Variants in CALR3 observed in about 807,000 individuals in gnomAD.
The protein encoded by CALR3 is calreticulin-3.
Under a neutral mutation model 48.7 loss-of-function variants are expected in CALR3, and 39 were observed. That is an observed-to-expected ratio of 0.80 (90% CI 0.62 to 1.05). The LOEUF (loss-of-function observed/expected upper bound fraction) is 1.05, where lower values mean the gene tolerates loss of function less well. Among genes scored for constraint, CALR3 ranks in the 50% least tolerant of loss-of-function variants. CALR3 has a pLI of 0.00. For missense variants in CALR3, 449 were observed against 474.7 expected (o/e 0.95, Z 0.50); for synonymous variants, 185 against 172.7 (o/e 1.07, Z -0.56).
At chr19:16,487,205 G>A (rs907933487) in intron 3 of CALR3, among the ~76,000 whole-genome samples, 5 of 151,858 alleles carry the variant, frequency 3.3e-5, no homozygotes, top group East Asian at 1.9e-4. Flanking sequence ...GGGGCCAGGC[G>A]TGGTGGCTCA....
intron 2 of CALR3, among the ~76,000 whole-genome samples, chr19:16,491,713 G>A (rs999378037): frequency 6.6e-6 from 1 of 151,220 alleles, no homozygotes; most frequent in African/African-American, 2.4e-5. Context: ...GGAGGCGGAG[G>A]TTGCAGTGAG....
intron 1 of CALR3, 40 bp from the exon 2 acceptor site, chr19:16,495,892 T>G: frequency 6.3e-7 from 1 of 1,596,042 alleles, no homozygotes; most frequent in Non-Finnish European, 8.6e-7. Flanking sequence ...GAGGTGATAA[T>G]GGTTAATTTG....
chr19:16,481,116 T>C (rs949971026), intron 7 of CALR3, among the ~76,000 whole-genome samples: 6 of 151,088 alleles, frequency 4.0e-5, no homozygotes, highest in Non-Finnish European at 7.4e-5. Flanking sequence ...ATCGTGCCAC[T>C]GCACTCCCGC....
chr19:16,481,069 G>A (rs768901927), intron 7 of CALR3, among the ~76,000 whole-genome samples: 3 of 151,956 alleles, frequency 2.0e-5, no homozygotes, highest in Non-Finnish European at 2.9e-5. Context: ...TGGGAGGATC[G>A]CTTGAACCCG....
At chr19:16,489,479 C>T (rs2093394427) in intron 3 of CALR3, among the ~76,000 whole-genome samples, 1 of 152,066 alleles carries the variant, frequency 6.6e-6, no homozygotes. Context: ...ATTAGCTGGG[C>T]ATGGTGGTGC....
Position 16,496,076 on chromosome 19 carries a change from C to T in CALR3, c.54G>A (p.Leu18=). ...ATTCCTCTTGGAAATAGACGGTAGC[C>T]AGCGCCACTCGCAGCATGCATATGG... ...LWAICMLRVA[L]ATVYFQEEFL... is the part of the protein sequence containing the mutation. The change falls in exon 1 of 9, where the codon CTG becomes CTA. Residue 18 remains leucine, a synonymous_variant. Transcript: ENST00000269881. The T allele has an allele frequency of 6.2e-7, 1 of 1,606,638 alleles. No homozygotes were observed.
At chr19:16,488,549 C>T (rs1272307903) in intron 3 of CALR3, among the ~76,000 whole-genome samples, 1 of 151,808 alleles carries the variant, frequency 6.6e-6, no homozygotes, top group Admixed American at 6.6e-5. Context: ...GGACTACAGG[C>T]ATGTGCCACT....
At chr19:16,486,109 A>G (rs2093388583) in intron 3 of CALR3, among the ~76,000 whole-genome samples, 2 of 152,044 alleles carry the variant, frequency 1.3e-5, no homozygotes, top group Non-Finnish European at 1.5e-5. Context: ...ACTTGAGGCC[A>G]GTTTGAGACC....
chr19:16,483,995 G>C lies in CALR3; in HGVS notation c.613C>G (p.Leu205Val). 1 of 1,614,012 alleles carries C rather than the reference G, an allele frequency of 6.2e-7. No individual in the cohort carries two copies. The highest frequency in any genetic ancestry group is 8.5e-7 in the Non-Finnish European group (1 of 1,180,018). The change falls in exon 5 of 9, where the codon CTC becomes GTC. Residue 205 changes from leucine (L) to valine (V), a missense_variant. Coordinates refer to ENST00000269881, the MANE Select transcript of CALR3 (RefSeq NM_145046.5). ...SIEYDWNLTS[L>V]KKETSPAESK... ...TCTGCCGGGGACGTTTCCTTCTTGAGTGATGTTAAGTTCCAGTCGTACTCT... is the reference window on the plus strand; with the variant it reads ...TCTGCCGGGGACGTTTCCTTCTTGACTGATGTTAAGTTCCAGTCGTACTCT...
Position 16,482,516 on chromosome 19 carries a change from G to T in CALR3, c.852C>A (p.Asp284Glu). Residue 284 changes from aspartate (D) to glutamate (E), a missense_variant, in exon 7 of 9, where the codon GAC (aspartate) becomes GAA (glutamate). Asp to Glu is a conservative substitution (Grantham distance 45). Transcript: ENST00000269881. Reference protein sequence around the residue: ...VWLHRKMKNTDYLTQYDLSEF... With the variant: ...VWLHRKMKNTEYLTQYDLSEF... ...CTGAGAGGTCATACTGCGTCAAATA[G>T]TCGGTATTCTTCATCTTACGGTGGA... 4 of 1,614,248 alleles carry T rather than the reference G, an allele frequency of 2.5e-6. No individual in the cohort carries two copies. The highest frequency in any genetic ancestry group is 3.4e-6 in the Non-Finnish European group (4 of 1,180,040).
intron 3 of CALR3, among the ~76,000 whole-genome samples, chr19:16,487,722 C>T (rs2122138198): frequency 6.6e-6 from 1 of 152,228 alleles, no homozygotes; most frequent in East Asian, 1.9e-4. Flanking sequence ...ACCATAACCT[C>T]TGCCTCCCAG....
rs1254928104 is a variant in CALR3, at chr19:16,484,109, C to T, written c.499G>A (p.Gly167Ser). ...ATTAGAGTGTACAGGTGTGTGAAGC[C>T]ATCAACCTGCATATTTTAGGGGGAA... ...NKKLIRCKVD[G>S]FTHLYTLILR... The change falls in exon 5 of 9, where the codon GGC (glycine) becomes AGC (serine). Residue 167 changes from glycine (G) to serine (S), a missense_variant. Physicochemically the swap from Gly to Ser is moderately conservative, Grantham distance 56. Coordinates refer to ENST00000269881, the MANE Select transcript of CALR3 (RefSeq NM_145046.5). 3.7e-6 allele frequency: 6 copies of T among 1,613,280 alleles called. No homozygotes were observed. Among genetic ancestry groups the T allele is most frequent in the Non-Finnish European group, 5.1e-6 (6 of 1,179,778 alleles).
At chr19:16,490,690 C>G in intron 2 of CALR3, 120 bp from the exon 3 acceptor site, 1 of 877,656 alleles carries the variant, frequency 1.1e-6, no homozygotes. Flanking sequence ...TTACAGTGAT[C>G]TACAGTGCCA....
At chr19:16,495,227 C>CAAAA in intron 2 of CALR3, among the ~76,000 whole-genome samples, 1 of 123,128 alleles carries the variant, frequency 8.1e-6, no homozygotes, top group Non-Finnish European at 1.6e-5. Context: ...CTCCTACTAC[C>CAAAA]AAAAAAAAAA....
chr19:16,493,410 C>T (rs575633830), intron 2 of CALR3, among the ~76,000 whole-genome samples: 5 of 152,318 alleles, frequency 3.3e-5, no homozygotes, highest in African/African-American at 1.2e-4. Flanking sequence ...TGTTAAGCTT[C>T]TCTAAACTTT....
intron 3 of CALR3, among the ~76,000 whole-genome samples, chr19:16,488,233 G>A (rs2093392215): frequency 1.3e-5 from 2 of 152,158 alleles, no homozygotes; most frequent in South Asian, 4.1e-4. Context: ...ACAGGCGTGA[G>A]CCACCGCACA....
chr19:16,480,664 C>T lies in CALR3; in HGVS notation c.961G>A (p.Asp321Asn), dbSNP rs143334090. 1.2e-6 allele frequency: 2 copies of T among 1,613,800 alleles called. No homozygotes were observed. The highest frequency in any genetic ancestry group is 2.7e-5 in the African/African-American group (2 of 74,936). The change falls in exon 8 of 9, where the codon GAT (aspartate) becomes AAT (asparagine). Residue 321 changes from aspartate (D) to asparagine (N), a missense_variant. Asp to Asn is a conservative substitution (Grantham distance 23). Transcript: ENST00000269881. ...CCAAAATTATCTGCGTACTCTTCAT[C>T]ATCTGTGATCAGAAAGTTATCAAAA... ...TIFDNFLITD[D>N]EEYADNFGKA...
Position 16,484,130 on chromosome 19 carries a change from G to A in CALR3, c.493-15C>T. On this transcript the variant is annotated splice_polypyrimidine_tract_variant and intron_variant, in intron 4 of 8. Coordinates refer to ENST00000269881, the MANE Select transcript of CALR3 (RefSeq NM_145046.5). ...AAGCCATCAACCTGCATATTTTAGG[G>A]GGAAAAGCGTAACAATTAAATCCTC... The A allele has an allele frequency of 1.9e-6, 3 of 1,611,194 alleles. No homozygotes were observed. The highest frequency in any genetic ancestry group is 1.3e-5 in the African/African-American group (1 of 74,848).
rs1048186681 is a variant in CALR3 at position 16,479,361 on chromosome 19, G to T, written c.1012-87C>A. The T allele has an allele frequency of 6.3e-6, 9 of 1,421,634 alleles. No homozygotes were observed. The Admixed American group carries it at 1.5e-4, about 24-fold the overall frequency. 88.1% of individuals were successfully genotyped at this position (1,421,634 alleles called of 1,614,324 possible). A position where few individuals can be genotyped will look rare whatever the true frequency, so the allele number is the denominator to read the frequency against. Reference sequence around the variant, plus strand: ...AGCACTTTGGGAGGCCGAGGCAGATGGATCACGAAGTCAGGAGATCGAGAC... The same window carrying T: ...AGCACTTTGGGAGGCCGAGGCAGATTGATCACGAAGTCAGGAGATCGAGAC... On this transcript the variant is annotated intron_variant, in intron 8 of 8. Coordinates refer to ENST00000269881, the MANE Select transcript of CALR3 (RefSeq NM_145046.5).
Sources: allele counts gnomAD v4.1 joint callset (sites outside exome capture counted in the v4.1 genomes callset), GRCh38; gene constraint gnomAD v4.1.1; transcripts MANE v1.5; gene names NCBI Gene and HGNC (gene_info 2026-07-23, HGNC 2026-07-21).